IQGAP2: variants seen among roughly 807,000 people sequenced by gnomAD.
IQGAP2 encodes ras GTPase-activating-like protein IQGAP2.
IQGAP2 carries 173 observed loss-of-function variants against 201.3 expected under a neutral mutation model. That is an observed-to-expected ratio of 0.86 (90% CI 0.76 to 0.98). The LOEUF (loss-of-function observed/expected upper bound fraction) is 0.98. IQGAP2 is among the 50% of genes least tolerant of loss of function. IQGAP2 has a pLI of 0.00. For missense variants in IQGAP2, 1,687 were observed against 1,864.8 expected, an observed-to-expected ratio of 0.90 and a Z score of 1.76; for synonymous variants, 675 against 673.9, an observed-to-expected ratio of 1.00 and a Z score of -0.03.
chr5:76,547,943 T>C (rs1743194459), intron 2 of IQGAP2, among the ~76,000 whole-genome samples: 1 of 152,216 alleles, frequency 6.6e-6, no homozygotes, highest in African/African-American at 2.4e-5. Context: ...TTCAGATCAG[T>C]GTAGCCACGC....
At chr5:76,520,833 G>A (rs1278198158) in intron 2 of IQGAP2, among the ~76,000 whole-genome samples, 2 of 149,618 alleles carry the variant, frequency 1.3e-5, no homozygotes, top group East Asian at 2.0e-4. Flanking sequence ...TCAGCCTCCC[G>A]AGTGGATGGG....
At chr5:76,619,788 G>T (rs2069671) in intron 13 of IQGAP2, among the ~76,000 whole-genome samples, 2,267 of 152,208 alleles carry the variant, frequency 0.015, 53 homozygotes, top group African/African-American at 0.052. Flanking sequence ...AAAGTGCTGG[G>T]ATTACAGGCG....
Position 76,693,441 on chromosome 5 carries a change from A to G in IQGAP2, c.3992A>G (p.Gln1331Arg), listed in dbSNP as rs974210790. The change falls in exon 31 of 36, where the codon CAG becomes CGG. Residue 1331 changes from glutamine to arginine, a missense_variant and splice_region_variant. Transcript: ENST00000274364. Reference sequence around the variant, plus strand: ...TTAGAGACACCAGCAACTGCGCAACAGGTAATTTGACTTTAAGTGTAAAAT... The same window carrying G: ...TTAGAGACACCAGCAACTGCGCAACGGGTAATTTGACTTTAAGTGTAAAAT... Reference protein sequence around the residue: ...EILETPATAQQEVDHATDMVS... With the variant: ...EILETPATAQREVDHATDMVS... The G allele has an allele frequency of 2.5e-6, 4 of 1,597,438 alleles. No homozygotes were observed. The highest frequency in any genetic ancestry group is 3.4e-6 in the Non-Finnish European group (4 of 1,165,428).
At chr5:76,583,384 G>A (rs753609027) in intron 5 of IQGAP2, among the ~76,000 whole-genome samples, 14 of 151,820 alleles carry the variant, frequency 9.2e-5, no homozygotes, top group South Asian at 8.3e-4. Flanking sequence ...GGTGTAAAAC[G>A]CCCATACCAT....
intron 17 of IQGAP2, among the ~76,000 whole-genome samples, chr5:76,650,372 A>G (rs114135836): frequency 2.8e-3 from 421 of 152,348 alleles, no homozygotes; most frequent in African/African-American, 9.7e-3. Flanking sequence ...GGAAGTAGAG[A>G]TAGGTACACA....
At position 76,631,880 on chromosome 5, in the gene IQGAP2, T is replaced by A; in HGVS notation, c.1634T>A (p.Val545Asp). The change falls in exon 15 of 36, where the codon GTT becomes GAT. Residue 545 changes from valine to aspartate, a missense_variant. Coordinates refer to ENST00000274364, the MANE Select transcript of IQGAP2 (RefSeq NM_006633.5). ...CCAGGGGTTACTCTGGTGGTTGATG[T>A]TAATCAGTGTTTGGAAGGAAAAAAA... The part of the protein sequence containing the change: ...AKQWVTLVVD[V>D]NQCLEGKKSS... The A allele has an allele frequency of 6.3e-7, 1 of 1,599,656 alleles. No individual in the cohort carries two copies. The highest frequency in any genetic ancestry group is 8.5e-7 in the Non-Finnish European group (1 of 1,172,306).
At chr5:76,466,595 G>A (rs1413835863) in intron 2 of IQGAP2, among the ~76,000 whole-genome samples, 2 of 152,186 alleles carry the variant, frequency 1.3e-5, no homozygotes, top group Non-Finnish European at 2.9e-5. Context: ...TCAATTCACT[G>A]GGAGTGAGAG....
intron 4 of IQGAP2, among the ~76,000 whole-genome samples, chr5:76,575,335 C>T (rs1465100897): frequency 6.6e-6 from 1 of 152,144 alleles, no homozygotes; most frequent in African/African-American, 2.4e-5. Context: ...TTCTCAGGCC[C>T]ATGGGACCTC....
intron 2 of IQGAP2, among the ~76,000 whole-genome samples, chr5:76,529,589 C>G (rs931390499): frequency 6.6e-6 from 1 of 151,182 alleles, no homozygotes; most frequent in East Asian, 2.0e-4. Context: ...GATCGCGCCA[C>G]TGCACTTCAG....
chr5:76,575,682 T>C lies in IQGAP2; in HGVS notation c.382-11T>C. ...AAACATATAATAAATATTGTTTCTT[T>C]TGTTTTCCAGATATTTTATCCAGAA... On this transcript the variant is annotated splice_polypyrimidine_tract_variant and intron_variant, in intron 4 of 35. Transcript: ENST00000274364. The C allele has an allele frequency of 6.6e-7, 1 of 1,523,974 alleles. No homozygotes were observed. The highest frequency in any genetic ancestry group is 9.0e-7 in the Non-Finnish European group (1 of 1,115,264). 94.4% of individuals were successfully genotyped at this position (1,523,974 alleles called of 1,614,324 possible).
intron 1 of IQGAP2, among the ~76,000 whole-genome samples, chr5:76,445,717 G>A (rs1753347023): frequency 6.6e-6 from 1 of 152,142 alleles, no homozygotes; most frequent in Non-Finnish European, 1.5e-5. Flanking sequence ...TGCTGCCTCA[G>A]CCTCTCAAAG....
At chr5:76,594,674 A>T (rs1746889674) in intron 9 of IQGAP2, among the ~76,000 whole-genome samples, 1 of 152,216 alleles carries the variant, frequency 6.6e-6, no homozygotes, top group Non-Finnish European at 1.5e-5. Context: ...ACTTTAAAAT[A>T]CGTAAGAATC....
chr5:76,572,191 G>A (rs1395914766), intron 4 of IQGAP2, among the ~76,000 whole-genome samples: 1 of 151,516 alleles, frequency 6.6e-6, no homozygotes, highest in East Asian at 1.9e-4. Flanking sequence ...TTGCTCCTAT[G>A]TGTTGCTTAG....
chr5:76,557,046 A>C (rs993650127), intron 2 of IQGAP2, among the ~76,000 whole-genome samples: 4 of 152,168 alleles, frequency 2.6e-5, no homozygotes, highest in African/African-American at 9.7e-5. Context: ...CTGACCTCAT[A>C]CTGAAACAGT....
rs866564813 is a variant in IQGAP2, at chr5:76,563,965, T to G, written c.303+1413T>G. Among the ~76,000 whole-genome samples the G allele has an allele frequency of 6.7e-5, 10 of 149,492 alleles. 1 individual carries two copies. The highest frequency in any genetic ancestry group is 6.8e-3 in the Middle Eastern group (2 of 292). On this transcript the variant is annotated intron_variant, in intron 3 of 35. Transcript: ENST00000274364. ...GGTTAACAGTAGACAAGATTACTTG[T>G]CAAATTTATTTTGAGTCTGTTTTTC...
intron 2 of IQGAP2, among the ~76,000 whole-genome samples, chr5:76,520,123 C>T (rs1318417459): frequency 1.3e-5 from 2 of 151,744 alleles, no homozygotes; most frequent in Non-Finnish European, 2.9e-5. Context: ...TCCAAAGCCA[C>T]AGAGATTCCC....
At chr5:76,434,878 A>ATT in intron 1 of IQGAP2, among the ~76,000 whole-genome samples, 1 of 152,048 alleles carries the variant, frequency 6.6e-6, no homozygotes, top group East Asian at 1.9e-4. Context: ...TTGTTTTTTG[A>ATT]TTTTTATTAG....
chr5:76,646,222 G>A (rs79280348), intron 17 of IQGAP2, among the ~76,000 whole-genome samples: 11,915 of 152,238 alleles, frequency 0.078, 703 homozygotes, highest in South Asian at 0.3. Flanking sequence ...CCTAGTTTCT[G>A]TTGTGCTGTT....
At chr5:76,608,852 T>G (rs1748019878) in intron 12 of IQGAP2, 1 of 364,524 alleles carries the variant, frequency 2.7e-6, no homozygotes, top group South Asian at 3.8e-5. Context: ...CAATTCTGTG[T>G]AGGTTACCTC....
Sources: allele counts gnomAD v4.1 joint callset (sites outside exome capture counted in the v4.1 genomes callset), GRCh38; gene constraint gnomAD v4.1.1; transcripts MANE v1.5; gene names NCBI Gene and HGNC (gene_info 2026-07-23, HGNC 2026-07-21).